SLC24A2: variants seen among roughly 807,000 people sequenced by gnomAD.
SLC24A2 encodes the protein solute carrier family 24 member 2, also known as sodium/potassium/calcium exchanger 2.
In SLC24A2, 36 loss-of-function variants were observed where a neutral mutation model predicts 62.0. That is an observed-to-expected ratio of 0.58 (90% CI 0.44 to 0.77). SLC24A2 has a LOEUF of 0.77. Ranked by LOEUF, SLC24A2 falls within the 30% of genes least tolerant of loss-of-function variation. The pLI is 0.00. For synonymous variants in SLC24A2, 358 were observed against 294.0 expected, an observed-to-expected ratio of 1.22 and a Z score of -2.23; for missense variants, 846 against 817.9, an observed-to-expected ratio of 1.03 and a Z score of -0.42.
At chr9:19,638,529 A>G (rs1818415075) in intron 2 of SLC24A2, among the ~76,000 whole-genome samples, 1 of 152,180 alleles carries the variant, frequency 6.6e-6, no homozygotes, top group Non-Finnish European at 1.5e-5. Context: ...TGGAACAGTT[A>G]TTTCCCAATG....
chr9:19,850,216 A>G, the SLC24A2 span, among the ~76,000 whole-genome samples: 1 of 152,146 alleles, frequency 6.6e-6, no homozygotes, highest in African/African-American at 2.4e-5. Flanking sequence ...TTAATATGAT[A>G]AAGTAGCATA....
the SLC24A2 span, among the ~76,000 whole-genome samples, chr9:20,058,333 C>T: frequency 6.6e-6 from 1 of 152,214 alleles, no homozygotes; most frequent in South Asian, 2.1e-4. Context: ...CAGTGGAAAA[C>T]ATAACCCTAA....
At chr9:19,555,424 C>A (rs1835036811) in intron 7 of SLC24A2, among the ~76,000 whole-genome samples, 1 of 152,074 alleles carries the variant, frequency 6.6e-6, no homozygotes, top group Admixed American at 6.5e-5. Flanking sequence ...GTAACCTGTA[C>A]CCAACAATGA....
chr9:20,022,230 G>A, the SLC24A2 span, among the ~76,000 whole-genome samples: 2 of 152,040 alleles, frequency 1.3e-5, no homozygotes, highest in African/African-American at 2.4e-5. Context: ...TACCACCCAC[G>A]AAATCTGTTT....
chr9:19,715,796 G>T (rs1222180509), intron 2 of SLC24A2, among the ~76,000 whole-genome samples: 1 of 152,152 alleles, frequency 6.6e-6, no homozygotes, highest in Non-Finnish European at 1.5e-5. Context: ...CTAAAACCAG[G>T]CAAAGTACCT....
the SLC24A2 span, among the ~76,000 whole-genome samples, chr9:20,076,083 T>G: frequency 6.6e-6 from 1 of 152,206 alleles, no homozygotes; most frequent in African/African-American, 2.4e-5. Context: ...TCCGTACAGA[T>G]GCAATCATTC....
rs1818330784 is a variant in SLC24A2 at position 19,636,317 on chromosome 9, T to TCTTTCTCTC, written c.931-14019_931-14018insGAGAGAAAG. 2.0e-3 allele frequency among the ~76,000 whole-genome samples: 21 copies of TCTTTCTCTC among 10,724 alleles called. 4 individuals carry two copies. The highest frequency in any genetic ancestry group is 6.3e-3 in the African/African-American group (21 of 3,318). The allele number at this position is 10,724 out of a possible 152,430, so 7.0% of individuals were successfully genotyped here. A position where few individuals can be genotyped will look rare whatever the true frequency, so the allele number is the denominator to read the frequency against. On this transcript the variant is annotated intron_variant, in intron 2 of 10. Coordinates refer to ENST00000341998, the MANE Select transcript of SLC24A2 (RefSeq NM_020344.4). ...TTCTTTTCTTTTCTTTTCTTTTCTT[T>TCTTTCTCTC]TCTTTCTTTCTTTCTTTCTTTCTTT... is the stretch of plus-strand genomic sequence containing the variant.
chr9:19,808,547 T>C, the SLC24A2 span, among the ~76,000 whole-genome samples: 1 of 152,282 alleles, frequency 6.6e-6, no homozygotes, highest in South Asian at 2.1e-4. This position sits in a 1 kb window ranked among gnomAD's most constrained non-coding sequence, Gnocchi z 4.1. Context: ...AGACTTTTAA[T>C]AGCGGTTTTG....
intron 7 of SLC24A2, among the ~76,000 whole-genome samples, chr9:19,556,509 T>A (rs1835093503): frequency 6.6e-6 from 1 of 152,182 alleles, no homozygotes; most frequent in Non-Finnish European, 1.5e-5. Flanking sequence ...TAATTCAAGT[T>A]CAGTTTTATT....
chr9:20,250,317 G>A, the SLC24A2 span, among the ~76,000 whole-genome samples: 3 of 152,202 alleles, frequency 2.0e-5, no homozygotes, highest in African/African-American at 4.8e-5. Flanking sequence ...AAGTCCTACA[G>A]GTCTTCTCCT....
chr9:19,636,607 G>A (rs564290775), intron 2 of SLC24A2, among the ~76,000 whole-genome samples: 25 of 151,498 alleles, frequency 1.7e-4, no homozygotes, highest in Admixed American at 1.2e-3. Flanking sequence ...GCTAATTTTC[G>A]TATTTTTAGT....
chr9:20,292,689 G>C, the SLC24A2 span, among the ~76,000 whole-genome samples: 29 of 152,278 alleles, frequency 1.9e-4, no homozygotes, highest in Non-Finnish European at 3.2e-4. Context: ...CTGCAACCTT[G>C]ACCTCCTGGG....
chr9:19,851,148 C>T, the SLC24A2 span, among the ~76,000 whole-genome samples: 15 of 147,678 alleles, frequency 1.0e-4, no homozygotes, highest in African/African-American at 3.3e-4. Flanking sequence ...GTCAGCCTCC[C>T]GAGTAGTTGG....
At chr9:19,835,459 A>G in the SLC24A2 span, among the ~76,000 whole-genome samples, 2 of 152,208 alleles carry the variant, frequency 1.3e-5, no homozygotes, top group African/African-American at 2.4e-5. Context: ...TAAACCAACG[A>G]AGATCAAAAG....
chr9:20,055,795 A>T, the SLC24A2 span, among the ~76,000 whole-genome samples: 24 of 152,282 alleles, frequency 1.6e-4, no homozygotes, highest in East Asian at 4.6e-3. Flanking sequence ...AGGCTGAGGC[A>T]GGAGAATCGC....
At chr9:20,011,809 G>GA in the SLC24A2 span, among the ~76,000 whole-genome samples, 1 of 152,066 alleles carries the variant, frequency 6.6e-6, no homozygotes, top group African/African-American at 2.4e-5. Context: ...AACAGCAAGA[G>GA]ACTTTAAGAA....
At chr9:20,102,901 T>C in the SLC24A2 span, among the ~76,000 whole-genome samples, 45 of 152,180 alleles carry the variant, frequency 3.0e-4, no homozygotes, top group African/African-American at 1.1e-3. Context: ...AGGCATTGCC[T>C]CACTCTGGAA....
chr9:19,628,959 G>A (rs528333666), intron 2 of SLC24A2, among the ~76,000 whole-genome samples: 2 of 152,234 alleles, frequency 1.3e-5, no homozygotes, highest in African/African-American at 2.4e-5. Flanking sequence ...TTTTTAAAAA[G>A]GTCTAACAAA....
chr9:20,274,876 T>C, the SLC24A2 span, among the ~76,000 whole-genome samples: 2 of 152,016 alleles, frequency 1.3e-5, no homozygotes, highest in African/African-American at 4.8e-5. Context: ...GTGGTGGTAC[T>C]AGACATCAGT....
Sources: allele counts gnomAD v4.1 joint callset (sites outside exome capture counted in the v4.1 genomes callset), GRCh38; gene constraint gnomAD v4.1.1; non-coding constraint Gnocchi (gnomAD v3.1); transcripts MANE v1.5; gene names NCBI Gene and HGNC (gene_info 2026-07-23, HGNC 2026-07-21).